Variants in AHI1 observed in about 807,000 individuals in gnomAD.
AHI1 encodes the protein jouberin.
Under a neutral mutation model 149.3 loss-of-function variants are expected in AHI1, and 123 were observed. That is an observed-to-expected ratio of 0.82 (90% CI 0.71 to 0.96). The LOEUF is 0.96. AHI1 is among the 40% of genes least tolerant of loss of function. The pLI, the probability that AHI1 is intolerant of heterozygous loss-of-function variation, is 0.00. For missense variants in AHI1, 1,439 were observed against 1,422.7 expected, an observed-to-expected ratio of 1.01 and a Z score of -0.18; for synonymous variants, 475 against 459.8, an observed-to-expected ratio of 1.03 and a Z score of -0.42.
rs549275577 is a variant in AHI1 at position 135,408,356 on chromosome 6, G to A, written c.2961+2992C>T. ...TTTCTCTTCATCTTTAAAGCTCAAT[G>A]TATCTATTCAGACTTCCTTTTAAAA... On this transcript the variant is annotated intron_variant, in intron 21 of 28. Coordinates refer to ENST00000265602, the MANE Select transcript of AHI1 (RefSeq NM_001134831.2). Among the ~76,000 whole-genome samples the A allele has an allele frequency of 5.9e-5, 9 of 151,956 alleles. No homozygotes were observed. The South Asian group carries it at 1.9e-3, about 32-fold the overall frequency.
At chr6:135,405,817 G>A (rs1405034909) in intron 21 of AHI1, among the ~76,000 whole-genome samples, 2 of 140,550 alleles carry the variant, frequency 1.4e-5, no homozygotes, top group Non-Finnish European at 3.0e-5. Context: ...CCAAGATTGC[G>A]CCACTGCACT....
chr6:135,396,846 T>C (rs988975205), intron 22 of AHI1, among the ~76,000 whole-genome samples: 1 of 151,622 alleles, frequency 6.6e-6, no homozygotes, highest in African/African-American at 2.4e-5. Flanking sequence ...TCCATATCTA[T>C]AGATATAGAT....
Position 135,429,316 on chromosome 6 carries a change from GGTAA to G in AHI1, c.2493-561_2493-558del, listed in dbSNP as rs370978369. 1.0e-3 allele frequency among the ~76,000 whole-genome samples: 154 copies of G among 151,714 alleles called. 1 individual carries two copies. Among genetic ancestry groups the G allele is most frequent in the Middle Eastern group, 3.4e-3 (1 of 294 alleles). On this transcript the variant is annotated intron_variant, in intron 18 of 28. Coordinates refer to ENST00000265602, the MANE Select transcript of AHI1 (RefSeq NM_001134831.2). ...CCATTTCAGCACACACTTTGTGCCAGGTAAGTATTATTATCATCTCTAACATCAA... is the reference window on the plus strand; with the variant it reads ...CCATTTCAGCACACACTTTGTGCCAGGTATTATTATCATCTCTAACATCAA...
At position 135,352,701 on chromosome 6, in the gene AHI1, G is replaced by GTATATATA. The variant is rs557236679; in HGVS notation, c.3165+5423_3165+5430dup. 5.4e-3 allele frequency among the ~76,000 whole-genome samples: 695 copies of GTATATATA among 129,462 alleles called. 3 individuals carry two copies. The highest frequency in any genetic ancestry group is 0.024 in the African/African-American group (652 of 27,690). 84.9% of individuals were successfully genotyped at this position (129,462 alleles called of 152,430 possible). ...AACTACTCAAAGACACATTGTGTGT[G>GTATATATA]TATATATATATACACACACACACAC... On this transcript the variant is annotated intron_variant, in intron 24 of 28. Transcript: ENST00000265602.
At chr6:135,383,222 C>T (rs996842952) in intron 23 of AHI1, among the ~76,000 whole-genome samples, 1 of 67,644 alleles carries the variant, frequency 1.5e-5, no homozygotes, top group African/African-American at 9.3e-5. Context: ...TCCTTCCCCC[C>T]TCCCTTTTTT....
chr6:135,445,339 T>C (rs947251308), intron 13 of AHI1, among the ~76,000 whole-genome samples: 18 of 152,298 alleles, frequency 1.2e-4, no homozygotes, highest in East Asian at 9.7e-4. Flanking sequence ...AAGTAAAACA[T>C]TGCAAAATTG....
intron 24 of AHI1, among the ~76,000 whole-genome samples, chr6:135,327,722 A>G (rs1325437031): frequency 6.6e-6 from 1 of 152,040 alleles, no homozygotes; most frequent in Non-Finnish European, 1.5e-5. Context: ...CTTATGAGCA[A>G]TCAGAGGGTC....
chr6:135,371,475 G>T (rs1356651470), intron 23 of AHI1, among the ~76,000 whole-genome samples: 2 of 152,144 alleles, frequency 1.3e-5, no homozygotes, highest in Non-Finnish European at 2.9e-5. Context: ...CTAGAGTACG[G>T]CTGAGTGCCT....
chr6:135,453,358 C>G lies in AHI1; in HGVS notation c.1423G>C (p.Ala475Pro), dbSNP rs1416049863. 6.4e-7 allele frequency: 1 copy of G among 1,560,960 alleles called. No homozygotes were observed. Among genetic ancestry groups the G allele is most frequent in the South Asian group, 1.2e-5 (1 of 84,612 alleles). Reference protein sequence around the residue: ...QNQECGFRKIAWAFLKLLGAN... With the variant: ...QNQECGFRKIPWAFLKLLGAN... Reference sequence around the variant, plus strand: ...AAACATACCTTAAGAAATGCCCAGGCAATTTTCCGAAAGCCACATTCTTGG... The same window carrying G: ...AAACATACCTTAAGAAATGCCCAGGGAATTTTCCGAAAGCCACATTCTTGG... Residue 475 changes from alanine to proline, a missense_variant, in exon 11 of 29, where the codon GCC (alanine) becomes CCC (proline). Ala to Pro is a conservative substitution (Grantham distance 27, BLOSUM62 -1). Coordinates refer to ENST00000265602, the MANE Select transcript of AHI1 (RefSeq NM_001134831.2).
intron 23 of AHI1, among the ~76,000 whole-genome samples, chr6:135,367,184 G>C (rs1774311469): frequency 6.6e-6 from 1 of 152,194 alleles, no homozygotes; most frequent in South Asian, 2.1e-4. Context: ...GCTAAAGATA[G>C]GACCCCAATC....
chr6:135,295,826 C>A (rs80253808), intron 27 of AHI1, among the ~76,000 whole-genome samples: 1 of 152,014 alleles, frequency 6.6e-6, no homozygotes, highest in Non-Finnish European at 1.5e-5. Flanking sequence ...TTACCCATGT[C>A]GAAACTTAAA....
At chr6:135,342,125 T>G (rs1036017104) in intron 24 of AHI1, among the ~76,000 whole-genome samples, 2 of 151,932 alleles carry the variant, frequency 1.3e-5, no homozygotes, top group African/African-American at 4.8e-5. Context: ...TATCATTAAC[T>G]ACTTTAGGGA....
chr6:135,489,135 C>A (rs1298286165), intron 5 of AHI1, among the ~76,000 whole-genome samples: 1 of 152,136 alleles, frequency 6.6e-6, no homozygotes, highest in East Asian at 1.9e-4. Flanking sequence ...TCCTCTAAGT[C>A]CTTTAGAAAT....
chr6:135,353,849 C>T (rs114943245), intron 24 of AHI1, among the ~76,000 whole-genome samples: 1,772 of 152,088 alleles, frequency 0.012, 26 homozygotes, highest in African/African-American at 0.039. Context: ...TACCATGTGA[C>T]AAAAATTCAT....
intron 12 of AHI1, among the ~76,000 whole-genome samples, chr6:135,447,889 C>T (rs1244518125): frequency 6.6e-6 from 1 of 152,202 alleles, no homozygotes; most frequent in Non-Finnish European, 1.5e-5. Context: ...GAACACATCA[C>T]ACCCATTTGT....
chr6:135,402,276 T>G (rs1436473304), intron 22 of AHI1, among the ~76,000 whole-genome samples: 2 of 152,148 alleles, frequency 1.3e-5, no homozygotes, highest in Non-Finnish European at 2.9e-5. Flanking sequence ...CTTCAAAGTG[T>G]CAAACATAGT....
rs548352097 is a variant in AHI1 at position 135,338,547 on chromosome 6, G to A, written c.3166-15223C>T. On this transcript the variant is annotated intron_variant, in intron 24 of 28. Coordinates refer to ENST00000265602, the MANE Select transcript of AHI1 (RefSeq NM_001134831.2). ...GAATCACTTCCAGAACAGTGAAGCA[G>A]TGAAATGGGCTCCTCCAACAATGCA... Among the ~76,000 whole-genome samples, 174 of 152,306 alleles carry A rather than the reference G, an allele frequency of 1.1e-3. 1 individual carries two copies. The highest frequency in any genetic ancestry group is 4.0e-3 in the African/African-American group (166 of 41,572).
intron 22 of AHI1, among the ~76,000 whole-genome samples, chr6:135,398,681 C>A (rs1230455076): frequency 6.6e-6 from 1 of 152,132 alleles, no homozygotes; most frequent in Non-Finnish European, 1.5e-5. Flanking sequence ...TTCTCAAAAC[C>A]TTTACCTCCT....
At chr6:135,444,611 A>G (rs1423959441) in intron 13 of AHI1, among the ~76,000 whole-genome samples, 2 of 152,236 alleles carry the variant, frequency 1.3e-5, no homozygotes, top group African/African-American at 2.4e-5. Context: ...TTCAGTCTTC[A>G]TATCTGCAAT....
Sources: allele counts gnomAD v4.1 joint callset (sites outside exome capture counted in the v4.1 genomes callset), GRCh38; gene constraint gnomAD v4.1.1; transcripts MANE v1.5; gene names NCBI Gene and HGNC (gene_info 2026-07-23, HGNC 2026-07-21).